The following SF3A1 variants were observed in gnomAD, a reference collection of about 807,000 sequenced individuals.
The protein encoded by SF3A1 is SAP 114.
A neutral mutation model predicts 89.9 loss-of-function variants in SF3A1; 13 were observed. The observed-to-expected ratio is 0.14, with a 90% confidence interval of 0.09 to 0.23. SF3A1 has a LOEUF of 0.23. SF3A1 is among the 10% of genes least tolerant of loss of function. The probability of loss-of-function intolerance (pLI) is 1.00; values close to 1 mark genes in which losing one functional copy is unlikely to be tolerated. For synonymous variants in SF3A1, 405 were observed against 374.4 expected, an observed-to-expected ratio of 1.08 and a Z score of -0.94; for missense variants, 604 against 1,022.1, an observed-to-expected ratio of 0.59 and a Z score of 5.58.
Position 30,335,478 on chromosome 22 carries a change from G to A in SF3A1, c.2269C>T (p.Leu757=). Residue 757 remains leucine (L), a synonymous_variant, in exon 15 of 16, where the codon CTA becomes TTA. Transcript: ENST00000215793. ...ACAAACTGACTCACCTCATACTGTA[G>A]CTTCTGTTTCCCTGCAGGCATGCCT... ...ATGMPAGKQK[L]QYEGIFIKDS... 1 of 1,614,084 alleles carries A rather than the reference G, an allele frequency of 6.2e-7. No individual in the cohort carries two copies. The highest frequency in any genetic ancestry group is 8.5e-7 in the Non-Finnish European group (1 of 1,179,912).
intron 2 of SF3A1, among the ~76,000 whole-genome samples, chr22:30,352,258 G>A (rs531166551): frequency 1.9e-4 from 29 of 152,208 alleles, no homozygotes; most frequent in African/African-American, 6.5e-4. Flanking sequence ...CTGAGGAGAC[G>A]GCTAGCACCT....
chr22:30,352,854 A>G, intron 2 of SF3A1, 97 bp downstream of exon 2: 2 of 1,476,912 alleles, frequency 1.4e-6, no homozygotes, highest in Non-Finnish European at 1.8e-6. Flanking sequence ...AAAAGGCCCA[A>G]GCCAACAACG....
At chr22:30,343,675 A>G (rs1931333225) in intron 4 of SF3A1, among the ~76,000 whole-genome samples, 1 of 152,246 alleles carries the variant, frequency 6.6e-6, no homozygotes, top group Non-Finnish European at 1.5e-5. Flanking sequence ...GTAACAGAAT[A>G]AAAAGTGATC....
intron 2 of SF3A1, among the ~76,000 whole-genome samples, chr22:30,351,587 A>C (rs1931596234): frequency 6.6e-6 from 1 of 152,034 alleles, no homozygotes; most frequent in African/African-American, 2.4e-5. Context: ...TATAGCTTCA[A>C]CCTTCTGGGC....
At chr22:30,345,682 G>A (rs1261238175) in intron 3 of SF3A1, among the ~76,000 whole-genome samples, 1 of 152,200 alleles carries the variant, frequency 6.6e-6, no homozygotes, top group Non-Finnish European at 1.5e-5. Context: ...GCAACGCAAG[G>A]TCTTAGAACC....
intron 4 of SF3A1, 51 bp from the exon 5 acceptor site, chr22:30,342,930 A>G: frequency 1.6e-6 from 2 of 1,216,626 alleles, no homozygotes; most frequent in Non-Finnish European, 2.4e-6. Flanking sequence ...AACGCAGTAC[A>G]AAGAGGCAGC....
At chr22:30,348,863 C>T (rs1351023529) in intron 2 of SF3A1, among the ~76,000 whole-genome samples, 1 of 152,216 alleles carries the variant, frequency 6.6e-6, no homozygotes, top group South Asian at 2.1e-4. Flanking sequence ...GTACCACTGC[C>T]TAAGCCATAA....
At position 30,346,642 on chromosome 22, in the gene SF3A1, C is replaced by G. The variant is rs1177928182; in HGVS notation, c.186-123G>C. 6.8e-6 allele frequency: 7 copies of G among 1,033,192 alleles called. No individual in the cohort carries two copies. The Admixed American group carries it at 1.7e-4, about 25-fold the overall frequency. The allele number at this position is 1,033,192 out of a possible 1,614,324, so 64.0% of individuals were successfully genotyped here. A position where few individuals can be genotyped will look rare whatever the true frequency, so the allele number is the denominator to read the frequency against. On this transcript the variant is annotated intron_variant, in intron 2 of 15. Transcript: ENST00000215793. The stretch of plus-strand genomic sequence containing the variant: ...CTGCTCAAACCAGCCCATCCCTCAG[C>G]AGACGTCCTCCTCTAGCTTCCTGGC...
At chr22:30,342,720 C>G in intron 5 of SF3A1, 85 bp downstream of exon 5, 1 of 912,434 alleles carries the variant, frequency 1.1e-6, no homozygotes, top group East Asian at 2.4e-5. Context: ...TGGAACATAA[C>G]AAGGTCCTGC....
rs1931264573 is a variant in SF3A1 at position 30,341,770 on chromosome 22, C to T, written c.993G>A (p.Glu331=). The T allele has an allele frequency of 3.1e-6, 5 of 1,614,156 alleles. No homozygotes were observed. Among genetic ancestry groups the T allele is most frequent in the Middle Eastern group, 1.6e-4 (1 of 6,062 alleles). ...CCGCCTTCTCCTGTTTGTCATCCTCCTCATCAGACTCGACCTCCATCTCAA... is the reference window on the plus strand; with the variant it reads ...CCGCCTTCTCCTGTTTGTCATCCTCTTCATCAGACTCGACCTCCATCTCAA... ...EEVEMEVESD[E]EDDKQEKAEE... Residue 331 remains glutamate, a synonymous_variant, in exon 7 of 16, where the codon GAG becomes GAA. Coordinates refer to ENST00000215793, the MANE Select transcript of SF3A1 (RefSeq NM_005877.6).
chr22:30,343,329 C>T (rs1055255922), intron 4 of SF3A1, among the ~76,000 whole-genome samples: 14 of 152,164 alleles, frequency 9.2e-5, no homozygotes, highest in Admixed American at 9.2e-4. Flanking sequence ...TATTTAGCAC[C>T]ATGTAACAGA....
At chr22:30,346,591 T>C (rs971773264) in intron 2 of SF3A1, 72 bp from the exon 3 acceptor site, 40 of 1,545,176 alleles carry the variant, frequency 2.6e-5, no homozygotes, top group Non-Finnish European at 3.3e-5. Context: ...CACTGCCCAT[T>C]GGAACGTCCT....
chr22:30,335,701 C>T lies in SF3A1; in HGVS notation c.2159G>A (p.Trp720Ter), dbSNP rs1931044081. 6.2e-7 allele frequency: 1 copy of T among 1,614,104 alleles called. No individual in the cohort carries two copies. The change falls in exon 14 of 16, where the codon TGG becomes TAG. Residue 720 changes from tryptophan (W) to a stop codon, truncating the protein, a stop_gained. Transcript: ENST00000215793. LOFTEE classifies it high-confidence loss of function. ...QVPNMQDKTE[W>*]KLNGQVLVFT... ...GACCAGCACCTGCCCATTCAGTTTC[C>T]ATTCCGTCTTATCCTGCATGTTGGG...
At chr22:30,354,699 C>T (rs963803904) in intron 1 of SF3A1, among the ~76,000 whole-genome samples, 1 of 152,202 alleles carries the variant, frequency 6.6e-6, no homozygotes, top group Non-Finnish European at 1.5e-5. Flanking sequence ...GGAATAGCTA[C>T]CCAGTCACCC....
intron 7 of SF3A1, 75 bp downstream of exon 7, chr22:30,341,617 G>T: frequency 2.6e-6 from 3 of 1,133,746 alleles, no homozygotes; most frequent in South Asian, 1.4e-5. Flanking sequence ...AGCTGGATCT[G>T]ACTGGTGGAG....
intron 13 of SF3A1, among the ~76,000 whole-genome samples, chr22:30,336,130 G>A (rs528054488): frequency 2.0e-4 from 30 of 152,266 alleles, no homozygotes; most frequent in Non-Finnish European, 3.8e-4. Context: ...CCACCAGACA[G>A]GGTTCATGAC....
chr22:30,340,359 G>C lies in SF3A1; in HGVS notation c.1212C>G (p.Ala404=). Residue 404 remains alanine, a synonymous_variant, in exon 9 of 16, where the codon GCC becomes GCG. Transcript: ENST00000215793. The part of the protein sequence containing the change: ...DPKASKPLPP[A]PAPDEYLVSP... ...ACACAAGATACTCATCTGGAGCAGG[G>C]GCTGGAGGCAAGGGCTTGGAGGCTA... 1 of 1,611,522 alleles carries C rather than the reference G, an allele frequency of 6.2e-7. No homozygotes were observed. The highest frequency in any genetic ancestry group is 8.5e-7 in the Non-Finnish European group (1 of 1,179,398).
chr22:30,345,188 G>A lies in SF3A1; in HGVS notation c.396C>T (p.Val132=), dbSNP rs1931382078. 1.9e-6 allele frequency: 3 copies of A among 1,612,392 alleles called. No individual in the cohort carries two copies. The South Asian group carries it at 3.3e-5, about 18-fold the overall frequency. ...TGGTCTCTTGGATTACTTGGGCTTG[G>A]ACCTAAGATGCAAAGGGAGTATGAG... ...QTTQQQLPQK[V]QAQVIQETIV... Residue 132 remains valine (V), a splice_region_variant and synonymous_variant, in exon 4 of 16, where the codon GTC becomes GTT. Coordinates refer to ENST00000215793, the MANE Select transcript of SF3A1 (RefSeq NM_005877.6).
intron 11 of SF3A1, 103 bp downstream of exon 11, chr22:30,338,686 C>T (rs1317121475): frequency 1.4e-6 from 2 of 1,444,534 alleles, no homozygotes; most frequent in Non-Finnish European, 1.9e-6. Context: ...ACCCACCCAA[C>T]ACTCAGGCCC....
Sources: gnomAD v4.1 joint callset for allele counts (sites outside exome capture counted in the v4.1 genomes callset) on GRCh38, gnomAD v4.1.1 for gene constraint, MANE v1.5 for transcripts, NCBI Gene and HGNC (gene_info 2026-07-23, HGNC 2026-07-21) for gene names.